The following TMEM132D variants were observed in gnomAD, a reference collection of about 807,000 sequenced individuals.
The protein encoded by TMEM132D is mature OL transmembrane protein.
Under a neutral mutation model 62.3 loss-of-function variants are expected in TMEM132D, and 21 were observed. The observed-to-expected ratio is 0.34, with a 90% CI of 0.24 to 0.49. The LOEUF (loss-of-function observed/expected upper bound fraction) is 0.49, where lower values mean the gene tolerates loss of function less well. Among genes scored for constraint, TMEM132D ranks in the 20% least tolerant of loss-of-function variants. The probability of loss-of-function intolerance (pLI) is 0.99; values close to 1 mark genes in which losing one functional copy is unlikely to be tolerated. For synonymous variants in TMEM132D, 621 were observed against 575.6 expected (o/e 1.08, Z -1.13); for missense variants, 1,346 against 1,402.8 (o/e 0.96, Z 0.65).
At chr12:129,363,348 C>T (rs763221425) in intron 3 of TMEM132D, among the ~76,000 whole-genome samples, 12 of 152,298 alleles carry the variant, frequency 7.9e-5, no homozygotes, top group African/African-American at 1.4e-4. Context: ...AAATAAGTGA[C>T]GAGCAAAGAC....
At chr12:129,258,062 G>A (rs78449368) in intron 4 of TMEM132D, among the ~76,000 whole-genome samples, 5,006 of 152,212 alleles carry the variant, frequency 0.033, 244 homozygotes, top group African/African-American at 0.11. Context: ...ACCACCTTCC[G>A]TCTAAACAGG....
chr12:129,467,302 G>T (rs1297763577), intron 3 of TMEM132D, among the ~76,000 whole-genome samples: 1 of 152,110 alleles, frequency 6.6e-6, no homozygotes, highest in Non-Finnish European at 1.5e-5. Context: ...TCTTGGCTCT[G>T]CTTTTCTCTA....
chr12:129,495,224 T>TTAAGTCTTAC (rs11280950), intron 3 of TMEM132D, among the ~76,000 whole-genome samples: 1 of 151,510 alleles, frequency 6.6e-6, no homozygotes, highest in African/African-American at 2.4e-5. Flanking sequence ...AAAGCCAATG[T>TTAAGTCTTAC]TAATAATTTC....
At chr12:129,089,973 T>C (rs1252438427) in intron 5 of TMEM132D, among the ~76,000 whole-genome samples, 5 of 152,176 alleles carry the variant, frequency 3.3e-5, no homozygotes, top group Non-Finnish European at 5.9e-5. Context: ...TAAAGGGGTG[T>C]GAGGAAAAGC....
At chr12:129,684,465 G>A (rs912701922) in intron 2 of TMEM132D, among the ~76,000 whole-genome samples, 6 of 152,066 alleles carry the variant, frequency 3.9e-5, no homozygotes, top group Non-Finnish European at 8.8e-5. Flanking sequence ...TCAATTAAAC[G>A]TCTTTCCTTT....
intron 3 of TMEM132D, among the ~76,000 whole-genome samples, chr12:129,498,366 G>A (rs150636115): frequency 0.013 from 1,904 of 152,162 alleles, 16 homozygotes; most frequent in South Asian, 0.043. Context: ...GGATTTTCCT[G>A]CCTCAGCCTC....
intron 2 of TMEM132D, among the ~76,000 whole-genome samples, chr12:129,667,052 A>T (rs561802935): frequency 3.3e-5 from 5 of 152,352 alleles, no homozygotes; most frequent in African/African-American, 1.2e-4. Flanking sequence ...TTTAAAAGAA[A>T]TTATTTAGGT....
intron 3 of TMEM132D, among the ~76,000 whole-genome samples, chr12:129,501,011 T>TA (rs1555261371): frequency 0.081 from 12,247 of 152,068 alleles, 579 homozygotes; most frequent in South Asian, 0.17. Context: ...GTCTTTAGTC[T>TA]CCCCTGTAAA....
At chr12:129,367,340 G>A (rs1156878695) in intron 3 of TMEM132D, among the ~76,000 whole-genome samples, 6 of 152,186 alleles carry the variant, frequency 3.9e-5, no homozygotes, top group Non-Finnish European at 5.9e-5. Context: ...AGTGAGAGAG[G>A]TGGCAAGAGA....
chr12:129,821,881 T>A (rs549682418), intron 1 of TMEM132D, among the ~76,000 whole-genome samples: 1 of 152,122 alleles, frequency 6.6e-6, no homozygotes, highest in Non-Finnish European at 1.5e-5. Context: ...TCTTTCGAAG[T>A]GGGGAGCAGG....
chr12:129,244,385 C>CAAAAAAAAAAAAA (rs751155633), intron 4 of TMEM132D, among the ~76,000 whole-genome samples: 13 of 85,198 alleles, frequency 1.5e-4, no homozygotes, highest in African/African-American at 2.5e-4. Context: ...GACTCTGTCT[C>CAAAAAAAAAAAAA]AAAAAAAAAA....
chr12:129,712,809 T>G (rs1868426546), intron 1 of TMEM132D, among the ~76,000 whole-genome samples: 1 of 152,122 alleles, frequency 6.6e-6, no homozygotes, highest in Non-Finnish European at 1.5e-5. Flanking sequence ...GCTTTCTTCC[T>G]TCCTGCTGTG....
rs559571922 is a variant in TMEM132D, at chr12:129,505,097, C to A, written c.1115+25962G>T. On this transcript the variant is annotated intron_variant, in intron 3 of 8. Coordinates refer to ENST00000422113, the MANE Select transcript of TMEM132D (RefSeq NM_133448.3). ...GAGAGTGATTGATATAATTTCAATTCTCTTAAGTTTATTGAGGCTTGTTTT... is the reference window on the plus strand; with the variant it reads ...GAGAGTGATTGATATAATTTCAATTATCTTAAGTTTATTGAGGCTTGTTTT... Among the ~76,000 whole-genome samples the A allele has an allele frequency of 3.3e-5, 5 of 152,206 alleles. 1 individual carries two copies. The highest frequency in any genetic ancestry group is 2.1e-4 in the South Asian group (1 of 4,816).
chr12:129,076,986 T>C (rs1044626449), intron 8 of TMEM132D, among the ~76,000 whole-genome samples: 29 of 152,330 alleles, frequency 1.9e-4, no homozygotes, highest in African/African-American at 6.7e-4. Context: ...GAGGTTTGCT[T>C]TGGCCAAGAA....
chr12:129,384,207 T>G (rs1167728361), intron 3 of TMEM132D, among the ~76,000 whole-genome samples: 3 of 152,154 alleles, frequency 2.0e-5, no homozygotes, highest in South Asian at 2.1e-4. Flanking sequence ...AGCTGCCAAG[T>G]CAACTACTGA....
chr12:129,407,742 T>TA (rs537114904), intron 3 of TMEM132D, among the ~76,000 whole-genome samples: 91 of 147,752 alleles, frequency 6.2e-4, no homozygotes, highest in Middle Eastern at 3.5e-3. Context: ...CTGTCTCTAC[T>TA]AAAAAAAAAA....
chr12:129,339,894 G>A (rs1360583932), intron 3 of TMEM132D, among the ~76,000 whole-genome samples: 1 of 152,146 alleles, frequency 6.6e-6, no homozygotes, highest in Non-Finnish European at 1.5e-5. Flanking sequence ...CTGCCCATAT[G>A]TCCACATCAC....
chr12:129,323,900 G>A (rs1868807558), intron 4 of TMEM132D, among the ~76,000 whole-genome samples: 1 of 110,118 alleles, frequency 9.1e-6, no homozygotes, highest in East Asian at 3.1e-4. Context: ...TTTTCTATAG[G>A]AAGTAGGTTT....
At chr12:129,461,111 G>T (rs949560047) in intron 3 of TMEM132D, among the ~76,000 whole-genome samples, 2 of 152,210 alleles carry the variant, frequency 1.3e-5, no homozygotes, top group African/African-American at 4.8e-5. Context: ...GTTGAGGGTG[G>T]TGGGGACCAC....
Sources: allele counts gnomAD v4.1 joint callset (sites outside exome capture counted in the v4.1 genomes callset), GRCh38; gene constraint gnomAD v4.1.1; transcripts MANE v1.5; gene names NCBI Gene and HGNC (gene_info 2026-07-23, HGNC 2026-07-21).